Variants in EPHA6 observed in about 807,000 individuals in gnomAD.
EPHA6 encodes EPH receptor A6, also known as ephrin type-A receptor 6.
EPHA6 carries 50 observed loss-of-function variants against 112.0 expected under a neutral mutation model. That is an observed-to-expected ratio of 0.45 (90% CI 0.36 to 0.56). The LOEUF (loss-of-function observed/expected upper bound fraction) is 0.56. Ranked by LOEUF, EPHA6 falls within the 20% of genes least tolerant of loss-of-function variation. The pLI, the probability that EPHA6 is intolerant of heterozygous loss-of-function variation, is 0.00. For synonymous variants in EPHA6, 529 were observed against 490.7 expected, an observed-to-expected ratio of 1.08 and a Z score of -1.03; for missense variants, 1,280 against 1,417.4, an observed-to-expected ratio of 0.90 and a Z score of 1.56.
Position 97,638,089 on chromosome 3 carries a change from T to G in EPHA6, c.2784+7T>G, listed in dbSNP as rs2093965440. The G allele has an allele frequency of 6.3e-7, 1 of 1,596,456 alleles. No individual in the cohort carries two copies. Among genetic ancestry groups the G allele is most frequent in the African/African-American group, 1.3e-5 (1 of 74,670 alleles). On this transcript the variant is annotated splice_region_variant and intron_variant, in intron 14 of 17. Transcript: ENST00000389672. ...AGCTGCTTATACAACAACTGTAAGTTTATATGCCCTTTCCTAATATAGTCT... is the reference window on the plus strand; with the variant it reads ...AGCTGCTTATACAACAACTGTAAGTGTATATGCCCTTTCCTAATATAGTCT...
At position 97,049,953 on chromosome 3, in the gene EPHA6, A is replaced by G. The variant is rs181216185; in HGVS notation, c.1114+61960A>G. On this transcript the variant is annotated intron_variant, in intron 3 of 17. Transcript: ENST00000389672. ...AACATGAGGTTTGACAGAGAGAAAC[A>G]TCCAAACTATAGCAATGTGTTTGTG... 8.5e-5 allele frequency among the ~76,000 whole-genome samples: 13 copies of G among 152,352 alleles called. No homozygotes were observed. In the South Asian group the frequency reaches 2.7e-3, roughly 32 times the overall value.
intron 3 of EPHA6, among the ~76,000 whole-genome samples, chr3:97,031,971 T>C (rs1183153345): frequency 5.3e-5 from 8 of 151,920 alleles, no homozygotes; most frequent in Non-Finnish European, 8.8e-5. Flanking sequence ...GATTATAAAT[T>C]ATGCTGCTAT....
intron 5 of EPHA6, among the ~76,000 whole-genome samples, chr3:97,266,288 T>G (rs543420279): frequency 6.6e-6 from 1 of 152,178 alleles, no homozygotes; most frequent in Admixed American, 6.5e-5. Flanking sequence ...AATTTTAATA[T>G]AACCTAAACA....
At chr3:97,556,933 G>A (rs1240835282) in intron 11 of EPHA6, among the ~76,000 whole-genome samples, 14 of 151,950 alleles carry the variant, frequency 9.2e-5, no homozygotes, top group Admixed American at 9.2e-4. Context: ...TGCTAAAACT[G>A]TGTTATTTTC....
chr3:97,239,766 G>T (rs1265813408), intron 4 of EPHA6, among the ~76,000 whole-genome samples: 1 of 151,726 alleles, frequency 6.6e-6, no homozygotes, highest in African/African-American at 2.4e-5. Context: ...GGAGGCAGGA[G>T]AAGCAGGCAC....
chr3:97,240,916 T>C (rs1333409136), intron 4 of EPHA6, among the ~76,000 whole-genome samples: 1 of 151,828 alleles, frequency 6.6e-6, no homozygotes, highest in Non-Finnish European at 1.5e-5. Context: ...GCATAGGACA[T>C]ATTTTGGGAA....
chr3:97,124,469 A>AAAAGAAAGAAAGAAAGAAAGAAAGAAAG (rs35225817), intron 3 of EPHA6, among the ~76,000 whole-genome samples: 1,557 of 149,828 alleles, frequency 0.01, 25 homozygotes, highest in African/African-American at 0.034. Flanking sequence ...TCTGTTTAAA[A>AAAAGAAAGAAAGAAAGAAAGAAAGAAAG]AAAGAAAGAA....
At chr3:97,009,895 T>A in intron 3 of EPHA6, 2 of 437,598 alleles carry the variant, frequency 4.6e-6, no homozygotes, top group South Asian at 3.3e-5. Context: ...CTCTTCCTTC[T>A]CTCCATGGGT....
At chr3:97,336,108 G>T (rs2083044919) in intron 5 of EPHA6, among the ~76,000 whole-genome samples, 1 of 152,096 alleles carries the variant, frequency 6.6e-6, no homozygotes, top group Non-Finnish European at 1.5e-5. Flanking sequence ...GCCTCCAGTT[G>T]CATGACTCCT....
chr3:97,189,759 A>G (rs2077250980), intron 3 of EPHA6, among the ~76,000 whole-genome samples: 1 of 152,116 alleles, frequency 6.6e-6, no homozygotes, highest in African/African-American at 2.4e-5. Context: ...TTCAAATTGT[A>G]GGTCATTATG....
chr3:97,194,286 A>C (rs559004124), intron 3 of EPHA6, among the ~76,000 whole-genome samples: 1 of 151,906 alleles, frequency 6.6e-6, no homozygotes, highest in South Asian at 2.1e-4. Context: ...ATTTTTTTTC[A>C]AGAAATTTTA....
At chr3:97,450,263 G>A (rs1342211853) in intron 7 of EPHA6, among the ~76,000 whole-genome samples, 1 of 151,926 alleles carries the variant, frequency 6.6e-6, no homozygotes, top group African/African-American at 2.4e-5. Context: ...TCAAACCTTA[G>A]CCTAGGTATA....
intron 5 of EPHA6, among the ~76,000 whole-genome samples, chr3:97,289,864 CG>C (rs2080615814): frequency 6.6e-6 from 1 of 151,922 alleles, no homozygotes; most frequent in Non-Finnish European, 1.5e-5. Flanking sequence ...ATTTGGCTCT[CG>C]GCTAGTGGTC....
intron 3 of EPHA6, among the ~76,000 whole-genome samples, chr3:97,204,042 A>G (rs1475017357): frequency 6.6e-6 from 1 of 152,150 alleles, no homozygotes; most frequent in African/African-American, 2.4e-5. Context: ...GAAAGGTTGT[A>G]TAATTATGTG....
intron 6 of EPHA6, among the ~76,000 whole-genome samples, chr3:97,445,542 G>A (rs1040490745): frequency 6.6e-6 from 1 of 152,052 alleles, no homozygotes; most frequent in African/African-American, 2.4e-5. Flanking sequence ...AACTATAGCA[G>A]TACTTAGCAT....
chr3:97,011,591 C>G (rs555862564), intron 3 of EPHA6, among the ~76,000 whole-genome samples: 15 of 152,228 alleles, frequency 9.9e-5, no homozygotes, highest in Non-Finnish European at 2.2e-4. Flanking sequence ...TGCATTTTGA[C>G]CAATTGCCAT....
intron 5 of EPHA6, among the ~76,000 whole-genome samples, chr3:97,300,526 A>G (rs2081051808): frequency 6.6e-6 from 1 of 152,172 alleles, no homozygotes; most frequent in Non-Finnish European, 1.5e-5. Flanking sequence ...TGTAGTAGGC[A>G]GTGGATCAAC....
chr3:97,305,994 A>C (rs1439628389), intron 5 of EPHA6, among the ~76,000 whole-genome samples: 6 of 151,980 alleles, frequency 3.9e-5, no homozygotes, highest in Admixed American at 3.9e-4. Context: ...AAGATAAACT[A>C]AAATATAGAT....
intron 2 of EPHA6, among the ~76,000 whole-genome samples, chr3:96,918,173 A>G (rs1337861230): frequency 1.3e-5 from 2 of 152,192 alleles, no homozygotes. Flanking sequence ...ACAAAAAAGG[A>G]TTATAAATCA....
Sources: allele counts gnomAD v4.1 joint callset (sites outside exome capture counted in the v4.1 genomes callset), GRCh38; gene constraint gnomAD v4.1.1; transcripts MANE v1.5; gene names NCBI Gene and HGNC (gene_info 2026-07-23, HGNC 2026-07-21).